Variants in RIN2 observed in about 807,000 individuals in gnomAD.
RIN2 encodes Ras and Rab interactor 2, also known as RAB5 interacting protein 2.
A neutral mutation model predicts 78.0 loss-of-function variants in RIN2; 36 were observed. The observed-to-expected ratio is 0.46, with a 90% CI of 0.35 to 0.61. The LOEUF is 0.61. RIN2 is among the 20% of genes least tolerant of loss of function. The probability of loss-of-function intolerance (pLI) is 0.00; values close to 1 mark genes in which losing one functional copy is unlikely to be tolerated. For synonymous variants in RIN2, 466 were observed against 466.8 expected (o/e 1.00, Z 0.02); for missense variants, 1,087 against 1,159.7 (o/e 0.94, Z 0.91).
chr20:19,921,584 C>T (rs541613562), intron 3 of RIN2, among the ~76,000 whole-genome samples: 2 of 152,278 alleles, frequency 1.3e-5, no homozygotes, highest in South Asian at 2.1e-4. Context: ...CCGTGGAATT[C>T]GCATCCAGGT....
At position 19,803,213 on chromosome 20, in the gene RIN2, G is replaced by C. The variant is rs377435257; in HGVS notation, c.-37+3466G>C. ...CTACCCTGTTCTTTCAACCCTAGCAGATGCAGCTTAGAAGCCTGATAATAA... is the reference window on the plus strand; with the variant it reads ...CTACCCTGTTCTTTCAACCCTAGCACATGCAGCTTAGAAGCCTGATAATAA... On this transcript the variant is annotated intron_variant, in intron 2 of 12. Transcript: ENST00000255006. Among the ~76,000 whole-genome samples, 41 of 152,280 alleles carry C rather than the reference G, an allele frequency of 2.7e-4. 1 individual carries two copies. The highest frequency in any genetic ancestry group is 9.9e-4 in the African/African-American group (41 of 41,554).
intron 9 of RIN2, among the ~76,000 whole-genome samples, chr20:19,986,424 A>C (rs552360984): frequency 6.6e-6 from 1 of 152,282 alleles, no homozygotes; most frequent in South Asian, 2.1e-4. Context: ...AAATGTCCTA[A>C]AATCTACCAC....
At chr20:19,844,900 C>T (rs1003633048) in intron 2 of RIN2, among the ~76,000 whole-genome samples, 1 of 151,890 alleles carries the variant, frequency 6.6e-6, no homozygotes, top group South Asian at 2.1e-4. Flanking sequence ...CACCCCCCAA[C>T]AGGCCCCAGT....
chr20:19,906,011 A>AACAC, intron 3 of RIN2, among the ~76,000 whole-genome samples: 1 of 152,240 alleles, frequency 6.6e-6, no homozygotes, highest in South Asian at 2.1e-4. Context: ...CAAACAAACA[A>AACAC]ACACATGCCA....
intron 1 of RIN2, among the ~76,000 whole-genome samples, chr20:19,791,493 C>T (rs1343608552): frequency 6.6e-6 from 1 of 152,118 alleles, no homozygotes; most frequent in East Asian, 1.9e-4. Context: ...TGCCCCCTGC[C>T]TCAGATATTA....
At chr20:19,922,952 A>T (rs982322002) in intron 3 of RIN2, among the ~76,000 whole-genome samples, 1 of 152,226 alleles carries the variant, frequency 6.6e-6, no homozygotes, top group East Asian at 1.9e-4. Context: ...CTCTGCCAGC[A>T]TAACTTCCGT....
intron 2 of RIN2, among the ~76,000 whole-genome samples, chr20:19,815,091 A>G (rs908759921): frequency 6.6e-6 from 1 of 152,224 alleles, no homozygotes; most frequent in African/African-American, 2.4e-5. Flanking sequence ...TTTCTGCAGT[A>G]TTTCCAGCAG....
At chr20:19,994,213 T>C (rs2042886566) in intron 11 of RIN2, among the ~76,000 whole-genome samples, 1 of 152,206 alleles carries the variant, frequency 6.6e-6, no homozygotes, top group Admixed American at 6.5e-5. Context: ...TTGGCTGCCT[T>C]CCTTGGGAAG....
At chr20:19,775,130 G>A (rs1249318755) in intron 1 of RIN2, among the ~76,000 whole-genome samples, 1 of 152,212 alleles carries the variant, frequency 6.6e-6, no homozygotes, top group African/African-American at 2.4e-5. Flanking sequence ...GGAGTCTGGA[G>A]CTTGAAAGAG....
At chr20:19,765,160 C>T (rs568327967) in intron 1 of RIN2, among the ~76,000 whole-genome samples, 10 of 152,052 alleles carry the variant, frequency 6.6e-5, no homozygotes, top group Non-Finnish European at 1.3e-4. Flanking sequence ...ACTTTCTGCC[C>T]TTTTATCTTC....
At position 19,976,101 on chromosome 20, in the gene RIN2, G is replaced by A. The variant is rs992375368; in HGVS notation, c.1762+314G>A. Among the ~76,000 whole-genome samples the A allele has an allele frequency of 2.0e-5, 3 of 152,304 alleles. No individual in the cohort carries two copies. The East Asian group carries it at 5.8e-4, about 29-fold the overall frequency. On this transcript the variant is annotated intron_variant, in intron 9 of 12. Coordinates refer to ENST00000255006, the MANE Select transcript of RIN2 (RefSeq NM_018993.4). ...TTACATGTGCCGGGTGTTTCTGGAC[G>A]CGTGCTTCTCTGCAGGCTGTGCATA...
At chr20:19,788,441 A>AAACAAAAACAAAAACAAAAAC (rs1555818749) in intron 1 of RIN2, among the ~76,000 whole-genome samples, 4 of 148,982 alleles carry the variant, frequency 2.7e-5, no homozygotes, top group Admixed American at 6.8e-5. Flanking sequence ...CCAAAAAAAA[A>AAACAAAAACAAAAACAAAAAC]AAAAAAAACA....
intron 2 of RIN2, among the ~76,000 whole-genome samples, chr20:19,883,633 A>G (rs1160085538): frequency 1.3e-5 from 2 of 151,996 alleles, no homozygotes; most frequent in Non-Finnish European, 2.9e-5. Context: ...ATGAGCCACC[A>G]TGTCCAGTCA....
At chr20:19,944,334 C>T (rs1266006510) in intron 4 of RIN2, among the ~76,000 whole-genome samples, 1 of 152,182 alleles carries the variant, frequency 6.6e-6, no homozygotes, top group African/African-American at 2.4e-5. Context: ...GTCCTGGCTT[C>T]ATCTCCCACC....
chr20:19,886,703 C>T, intron 2 of RIN2: 6 of 1,541,840 alleles, frequency 3.9e-6, no homozygotes, highest in South Asian at 1.2e-5. Context: ...ATCCACTTTA[C>T]CCTTCAGGGA....
At position 19,942,880 on chromosome 20, in the gene RIN2, A is replaced by G. The variant is rs116908778; in HGVS notation, c.158+7681A>G. ...TTGGCCACACAATGTCACCAGCAGC[A>G]TACTCCAGAATTGGAGCTATTTTGT... On this transcript the variant is annotated intron_variant, in intron 4 of 12. Coordinates refer to ENST00000255006, the MANE Select transcript of RIN2 (RefSeq NM_018993.4). Among the ~76,000 whole-genome samples, 211 of 152,368 alleles carry G rather than the reference A, an allele frequency of 1.4e-3. 1 individual carries two copies. The East Asian group carries it at 0.034, about 24-fold the overall frequency.
chr20:19,808,285 G>A (rs2035472249), intron 2 of RIN2, among the ~76,000 whole-genome samples: 1 of 152,190 alleles, frequency 6.6e-6, no homozygotes, highest in East Asian at 1.9e-4. Flanking sequence ...TCTCCTCCCT[G>A]AGCCTGGTCC....
chr20:19,849,262 A>G (rs6132237), intron 2 of RIN2, among the ~76,000 whole-genome samples: 25,394 of 152,234 alleles, frequency 0.17, 3,688 homozygotes, highest in African/African-American at 0.39. Context: ...AGACAGACAG[A>G]AAAGTATGAC....
chr20:19,997,859 A>C (rs2043020178), intron 12 of RIN2, among the ~76,000 whole-genome samples: 1 of 152,178 alleles, frequency 6.6e-6, no homozygotes, highest in Non-Finnish European at 1.5e-5. Flanking sequence ...TAATATTTTG[A>C]AGGTTTTAAA....
Sources: gnomAD v4.1 joint callset for allele counts (sites outside exome capture counted in the v4.1 genomes callset) on GRCh38, gnomAD v4.1.1 for gene constraint, MANE v1.5 for transcripts, NCBI Gene and HGNC (gene_info 2026-07-23, HGNC 2026-07-21) for gene names.